The following HNRNPH1 variants were observed in gnomAD, a reference collection of about 807,000 sequenced individuals.
HNRNPH1 encodes heterogeneous nuclear ribonucleoprotein H.
Under a neutral mutation model 58.6 loss-of-function variants are expected in HNRNPH1, and 4 were observed. The observed-to-expected ratio is 0.07, with a 90% CI of 0.03 to 0.16. The LOEUF is 0.16. HNRNPH1 is among the 10% of genes least tolerant of loss of function. The pLI is 1.00. For missense variants in HNRNPH1, 271 were observed against 564.2 expected (o/e 0.48, Z 5.26); for synonymous variants, 192 against 189.2 (o/e 1.01, Z -0.12).
At chr5:179,620,234 T>C (rs1325557008) in intron 3 of HNRNPH1, among the ~76,000 whole-genome samples, 1 of 152,252 alleles carries the variant, frequency 6.6e-6, no homozygotes, top group African/African-American at 2.4e-5. Context: ...TATTAATACT[T>C]AAAATATACG....
upstream of HNRNPH1, among the ~76,000 whole-genome samples, chr5:179,627,335 G>T (rs576973930): frequency 6.6e-6 from 1 of 151,734 alleles, no homozygotes; most frequent in African/African-American, 2.4e-5. Context: ...GGGACTAAAG[G>T]CACTTTCAAC....
intron 4 of HNRNPH1, chr5:179,619,064 A>G: frequency 2.3e-6 from 1 of 441,890 alleles, no homozygotes; most frequent in Non-Finnish European, 4.1e-6. Context: ...CAAAATTGTC[A>G]AGCAGACCAA....
Position 179,618,029 on chromosome 5 carries a change from A to G in HNRNPH1, c.747T>C (p.Tyr249=), listed in dbSNP as rs529513341. Reference sequence around the variant, plus strand: ...CTGACCCAAATCCATAGCCATCATTATAGCCATTGTAATCATCATAGCCTC... The same window carrying G: ...CTGACCCAAATCCATAGCCATCATTGTAGCCATTGTAATCATCATAGCCTC... Residue 249 remains tyrosine (Y), a synonymous_variant, in exon 6 of 13, where the codon TAT becomes TAC. Transcript: ENST00000356731. 3 of 1,614,174 alleles carry G rather than the reference A, an allele frequency of 1.9e-6. No homozygotes were observed. In the South Asian group the frequency reaches 3.3e-5, roughly 18 times the overall value.
At chr5:179,619,672 A>G (rs549639774) in intron 3 of HNRNPH1, 6 of 263,646 alleles carry the variant, frequency 2.3e-5, no homozygotes, top group Admixed American at 5.3e-5. Flanking sequence ...CAACAACTTA[A>G]GAACACATAT....
intron 2 of HNRNPH1, among the ~76,000 whole-genome samples, chr5:179,631,730 A>G (rs1040676447): frequency 6.6e-6 from 1 of 151,594 alleles, no homozygotes; most frequent in Non-Finnish European, 1.5e-5. Flanking sequence ...CTGGGCAACA[A>G]GAGCAAGACC....
At chr5:179,626,728 A>C (rs1158716462), upstream of HNRNPH1, among the ~76,000 whole-genome samples, 1 of 151,560 alleles carries the variant, frequency 6.6e-6, no homozygotes, top group Admixed American at 6.6e-5. Flanking sequence ...AAAAAAAAAA[A>C]AAAAATTCAT....
exon 1 of HNRNPH1, chr5:179,623,218 T>A: frequency 1.0e-6 from 1 of 969,836 alleles, no homozygotes; most frequent in Admixed American, 2.1e-5. Context: ...GTCCTTCGCC[T>A]CCGAGGCGCG....
chr5:179,616,923 C>T (rs201696570), exon 10 of HNRNPH1: 1 of 1,614,074 alleles, frequency 6.2e-7, no homozygotes, highest in African/African-American at 1.3e-5. Context: ...CTTGCTCCTG[C>T]TGTAGAATTC....
At chr5:179,621,517 T>A in intron 1 of HNRNPH1, 120 bp from the exon 3 acceptor site, 1 of 781,030 alleles carries the variant, frequency 1.3e-6, no homozygotes, top group Non-Finnish European at 2.1e-6. Context: ...AGCCTATATA[T>A]ACTGACCACG....
chr5:179,624,883 C>T (rs1448514784), upstream of HNRNPH1, among the ~76,000 whole-genome samples: 1 of 152,296 alleles, frequency 6.6e-6, no homozygotes, highest in East Asian at 1.9e-4. Context: ...GCCACAGAGT[C>T]CGAATCCAGT....
At chr5:179,619,156 C>T in intron 4 of HNRNPH1, 113 bp downstream of exon 5, 1 of 940,056 alleles carries the variant, frequency 1.1e-6, no homozygotes, top group Non-Finnish European at 1.6e-6. Context: ...CATGGCAAAA[C>T]ATCAATTACC....
upstream of HNRNPH1, among the ~76,000 whole-genome samples, chr5:179,625,188 G>C (rs1774254900): frequency 6.6e-6 from 1 of 152,278 alleles, no homozygotes; most frequent in African/African-American, 2.4e-5. Context: ...AAGGCACTTT[G>C]GCTGAGGTAA....
exon 11 of HNRNPH1, chr5:179,616,182 T>G: frequency 1.2e-6 from 2 of 1,614,168 alleles, no homozygotes. Flanking sequence ...CCCACTCAGC[T>G]GCTGGCTGGC....
chr5:179,615,894 C>G (rs1472097823), intron 11 of HNRNPH1: 2 of 533,024 alleles, frequency 3.8e-6, no homozygotes, highest in African/African-American at 1.9e-5. Flanking sequence ...ACACTTCCCC[C>G]TCCCAATGAT....
At chr5:179,631,774 C>T (rs1774848617) in intron 2 of HNRNPH1, among the ~76,000 whole-genome samples, 1 of 151,782 alleles carries the variant, frequency 6.6e-6, no homozygotes, top group African/African-American at 2.4e-5. Flanking sequence ...AAATATTAGC[C>T]AGGCCTGGTG....
At chr5:179,614,739 C>CACAG (rs1347135588) in exon 13 of HNRNPH1, 19 of 627,002 alleles carry the variant, frequency 3.0e-5, no homozygotes, top group Middle Eastern at 4.3e-4. Context: ...AAGCATAAAT[C>CACAG]ACAAGCTTGT....
At chr5:179,626,882 T>G (rs1281575143), upstream of HNRNPH1, among the ~76,000 whole-genome samples, 2 of 150,732 alleles carry the variant, frequency 1.3e-5, no homozygotes, top group Non-Finnish European at 3.0e-5. Flanking sequence ...TTCACACCAT[T>G]CTCCTGCCTC....
intron 6 of HNRNPH1, 22 bp from the exon 8 acceptor site, chr5:179,617,954 C>T (rs750321620): frequency 1.2e-6 from 2 of 1,613,788 alleles, no homozygotes; most frequent in African/African-American, 2.7e-5. Context: ...AGAGTGTAAG[C>T]ATCCTTCAAC....
chr5:179,623,147 G>C, exon 1 of HNRNPH1: 4 of 1,589,246 alleles, frequency 2.5e-6, no homozygotes, highest in Non-Finnish European at 2.6e-6. Flanking sequence ...CTCTTACGCG[G>C]TCCGGCGTCG....
Sources: allele counts gnomAD v4.1 joint callset (sites outside exome capture counted in the v4.1 genomes callset), GRCh38; gene constraint gnomAD v4.1.1; transcripts MANE v1.5; gene names NCBI Gene and HGNC (gene_info 2026-07-23, HGNC 2026-07-21).